Variants in PRAG1 observed in about 807,000 individuals in gnomAD.
The protein encoded by PRAG1 is inactive tyrosine-protein kinase PRAG1.
A neutral mutation model predicts 95.6 loss-of-function variants in PRAG1; 110 were observed. The ratio of observed to expected loss-of-function variants is 1.15; its 90% CI spans 0.99 to 1.35. PRAG1 has a LOEUF of 1.35. Ranked by LOEUF, PRAG1 falls within the 40% of genes most tolerant of loss-of-function variation. The pLI, the probability that PRAG1 is intolerant of heterozygous loss-of-function variation, is 0.00. For synonymous variants in PRAG1, 1,052 were observed against 819.4 expected, an observed-to-expected ratio of 1.28 and a Z score of -4.85; for missense variants, 2,554 against 1,864.7, an observed-to-expected ratio of 1.37 and a Z score of -6.81.
chr8:8,339,426 T>C, intron 4 of PRAG1, 52 bp downstream of exon 4: 3 of 1,592,856 alleles, frequency 1.9e-6, no homozygotes, highest in South Asian at 2.2e-5. Flanking sequence ...GCAGGACTGG[T>C]CTTGAAGGTC....
chr8:8,356,791 C>G lies in PRAG1; in HGVS notation c.2163-17156G>C, dbSNP rs566836154. On this transcript the variant is annotated intron_variant, in intron 3 of 5. Transcript: ENST00000615670. ...ACACTTCCTGATTTCAAAACTGATA[C>G]AAAACTACAGTAATTTAAAAAGTGG... Among the ~76,000 whole-genome samples the G allele has an allele frequency of 2.6e-5, 4 of 152,184 alleles. No homozygotes were observed. The East Asian group carries it at 7.7e-4, about 29-fold the overall frequency.
At chr8:8,358,604 G>C (rs147733988) in intron 3 of PRAG1, among the ~76,000 whole-genome samples, 1 of 152,306 alleles carries the variant, frequency 6.6e-6, no homozygotes, top group Non-Finnish European at 1.5e-5. Flanking sequence ...GGAAAGGAAT[G>C]CTTATTCCTT....
chr8:8,343,400 T>A (rs1799233274), intron 3 of PRAG1, among the ~76,000 whole-genome samples: 1 of 152,220 alleles, frequency 6.6e-6, no homozygotes, highest in East Asian at 1.9e-4. Context: ...CAATGTTACT[T>A]AAATAACTAG....
In PRAG1 at chr8:8,318,162, G is replaced by C. The variant is rs1716631175; in HGVS notation, c.4213C>G (p.Leu1405Val). Reference protein sequence around the residue: ...ALLQSLKLLQLL With the variant: ...ALLQSLKLLQVL Reference sequence around the variant, plus strand: ...GCAGGCTGGGGCTTGGCTCACAGAAGCTGCAGGAGCTTCAGCGACTGTAAG... The same window carrying C: ...GCAGGCTGGGGCTTGGCTCACAGAACCTGCAGGAGCTTCAGCGACTGTAAG... Residue 1405 changes from leucine (L) to valine (V), a missense_variant, in exon 6 of 6, where the codon CTT (leucine) becomes GTT (valine). Coordinates refer to ENST00000615670, the MANE Select transcript of PRAG1 (RefSeq NM_001080826.3). This position sits in a 1 kb window ranked among gnomAD's most constrained non-coding sequence, Gnocchi z 4.2. 6.2e-7 allele frequency: 1 copy of C among 1,612,076 alleles called. No homozygotes were observed. The highest frequency in any genetic ancestry group is 8.5e-7 in the Non-Finnish European group (1 of 1,179,006).
chr8:8,359,655 A>T (rs1799787433), intron 3 of PRAG1, among the ~76,000 whole-genome samples: 1 of 152,200 alleles, frequency 6.6e-6, no homozygotes, highest in East Asian at 1.9e-4. Context: ...ATTCTTCCTT[A>T]TAAAGGAATA....
At chr8:8,324,865 A>ATT (rs71537826) in intron 5 of PRAG1, among the ~76,000 whole-genome samples, 10 of 150,812 alleles carry the variant, frequency 6.6e-5, no homozygotes, top group African/African-American at 2.4e-4. Context: ...ACAACTAATG[A>ATT]TTTTTTTTTT....
intron 3 of PRAG1, among the ~76,000 whole-genome samples, chr8:8,340,709 C>A (rs2945913): frequency 5.9e-4 from 89 of 152,124 alleles, no homozygotes; most frequent in Non-Finnish European, 3.1e-4. Context: ...TTCATAGTCA[C>A]GGGAATCCCC....
At position 8,377,191 on chromosome 8, in the gene PRAG1, A is replaced by G. The variant is rs374484146; in HGVS notation, c.1218T>C (p.Ala406=). The change falls in exon 3 of 6, where the codon GCT becomes GCC. Residue 406 remains alanine, a synonymous_variant. Transcript: ENST00000615670. The part of the protein sequence containing the change: ...EPQPPAHPRE[A]TQPEPIYAES... ...CAGCATAGATGGGTTCAGGCTGTGT[A>G]GCCTCCCGGGGGTGGGCCGGGGGCT... The G allele has an allele frequency of 1.5e-5, 24 of 1,611,316 alleles. No individual in the cohort carries two copies. Among genetic ancestry groups the G allele is most frequent in the Non-Finnish European group, 1.9e-5 (22 of 1,179,524 alleles).
intron 1 of PRAG1, among the ~76,000 whole-genome samples, chr8:8,383,239 T>C (rs2116954360): frequency 6.6e-6 from 1 of 152,252 alleles, no homozygotes. Context: ...ATTCAACAAG[T>C]GCTGAAGCTA....
chr8:8,339,609 C>T lies in PRAG1; in HGVS notation c.2189G>A (p.Ser730Asn). The T allele has an allele frequency of 6.2e-7, 1 of 1,613,186 alleles. No individual in the cohort carries two copies. Among genetic ancestry groups the T allele is most frequent in the African/African-American group, 1.3e-5 (1 of 75,038 alleles). ...SRHLLKMNKS[S>N]SDLEKVSQGS... Reference sequence around the variant, plus strand: ...CTGGCTCACTTTTTCCAAATCAGAGCTGCTCTTGTTCATTTTTAGAAGGTG... The same window carrying T: ...CTGGCTCACTTTTTCCAAATCAGAGTTGCTCTTGTTCATTTTTAGAAGGTG... Residue 730 changes from serine (S) to asparagine (N), a missense_variant, in exon 4 of 6, where the codon AGC becomes AAC. Coordinates refer to ENST00000615670, the MANE Select transcript of PRAG1 (RefSeq NM_001080826.3).
rs1244539159 is a variant in PRAG1 at position 8,339,521 on chromosome 8, G to A, written c.2277C>T (p.Ser759=). ...TAGAGTCTGAGGCCAGGCTGTCCGTGGAGCCGGTGGTGAAGCTGACGTGGA... is the reference window on the plus strand; with the variant it reads ...TAGAGTCTGAGGCCAGGCTGTCCGTAGAGCCGGTGGTGAAGCTGACGTGGA... ...RGVHVSFTTG[S]TDSLASDSRT... is the part of the protein sequence containing the mutation. The change falls in exon 4 of 6, where the codon TCC becomes TCT. Residue 759 remains serine, a synonymous_variant. Transcript: ENST00000615670. 1 of 1,614,210 alleles carries A rather than the reference G, an allele frequency of 6.2e-7. No individual in the cohort carries two copies. The highest frequency in any genetic ancestry group is 1.7e-5 in the Admixed American group (1 of 60,032).
intron 4 of PRAG1, among the ~76,000 whole-genome samples, chr8:8,333,104 G>C (rs889827914): frequency 1.3e-5 from 2 of 152,200 alleles, no homozygotes. Flanking sequence ...ACACATCCTG[G>C]TTTGATGCTG....
chr8:8,344,480 C>T lies in PRAG1; in HGVS notation c.2163-4845G>A, dbSNP rs149802269. On this transcript the variant is annotated intron_variant, in intron 3 of 5. Coordinates refer to ENST00000615670, the MANE Select transcript of PRAG1 (RefSeq NM_001080826.3). ...AAATGTAAATGATACTCATCAACTTCAAGACAGTGATTGCTCTGGGTAGCA... is the reference window on the plus strand; with the variant it reads ...AAATGTAAATGATACTCATCAACTTTAAGACAGTGATTGCTCTGGGTAGCA... Among the ~76,000 whole-genome samples, 61 of 152,230 alleles carry T rather than the reference C, an allele frequency of 4.0e-4. 1 individual carries two copies. The South Asian group carries it at 5.2e-3, about 13-fold the overall frequency.
At chr8:8,379,380 G>A (rs932856641) in intron 2 of PRAG1, among the ~76,000 whole-genome samples, 2 of 152,286 alleles carry the variant, frequency 1.3e-5, no homozygotes, top group Admixed American at 6.5e-5. Context: ...ACTTTTAGAA[G>A]CAGCCTCAAA....
chr8:8,354,960 A>C (rs1488189506), intron 3 of PRAG1, among the ~76,000 whole-genome samples: 1 of 152,180 alleles, frequency 6.6e-6, no homozygotes, highest in Non-Finnish European at 1.5e-5. Flanking sequence ...AAAGGCATCC[A>C]AACAAAAAAA....
At chr8:8,341,327 T>C (rs1799155908) in intron 3 of PRAG1, among the ~76,000 whole-genome samples, 1 of 152,322 alleles carries the variant, frequency 6.6e-6, no homozygotes, top group East Asian at 1.9e-4. Flanking sequence ...TATATTCATA[T>C]ACATATGCAC....
At position 8,318,016 on chromosome 8, in the gene PRAG1, A is replaced by C. The variant is rs1004200115; in HGVS notation, c.*138T>G. The stretch of plus-strand genomic sequence containing the variant: ...TTTATATATGGTATATGTATTTTCT[A>C]TATATATATTTATATATTTTACATC... On this transcript the variant is annotated 3_prime_UTR_variant, in exon 6 of 6. Coordinates refer to ENST00000615670, the MANE Select transcript of PRAG1 (RefSeq NM_001080826.3). The surrounding 1 kb of genome is among the most constrained non-coding windows in gnomAD (Gnocchi z 4.2). 9.4e-6 allele frequency: 6 copies of C among 636,836 alleles called. No individual in the cohort carries two copies. Among genetic ancestry groups the C allele is most frequent in the Admixed American group, 7.5e-5 (2 of 26,808 alleles). The allele number at this position is 636,836 out of a possible 1,614,324, so 39.4% of individuals were successfully genotyped here.
chr8:8,320,087 C>G (rs548618547), intron 5 of PRAG1, among the ~76,000 whole-genome samples: 1 of 152,200 alleles, frequency 6.6e-6, no homozygotes, highest in Non-Finnish European at 1.5e-5. Flanking sequence ...GGGTCCCTGC[C>G]GAGCAACACA....
intron 1 of PRAG1, among the ~76,000 whole-genome samples, chr8:8,384,011 C>T (rs2116956544): frequency 6.6e-6 from 1 of 152,308 alleles, no homozygotes; most frequent in African/African-American, 2.4e-5. Flanking sequence ...AGCCCACCTC[C>T]ACTGCAGGCA....
Sources: gnomAD v4.1 joint callset for allele counts (sites outside exome capture counted in the v4.1 genomes callset) on GRCh38, gnomAD v4.1.1 for gene constraint, Gnocchi (gnomAD v3.1) non-coding constraint, MANE v1.5 for transcripts, NCBI Gene and HGNC (gene_info 2026-07-23, HGNC 2026-07-21) for gene names.